CLIP2: variants seen among roughly 807,000 people sequenced by gnomAD.
CLIP2 encodes the protein CAP-Gly domain containing linker protein 2.
In CLIP2, 41 loss-of-function variants were observed where a neutral mutation model predicts 111.7. The observed-to-expected ratio is 0.37, with a 90% CI of 0.29 to 0.48. The LOEUF is 0.48. CLIP2 is among the 20% of genes least tolerant of loss of function. The probability of loss-of-function intolerance (pLI) is 0.99; values close to 1 mark genes in which losing one functional copy is unlikely to be tolerated. For synonymous variants in CLIP2, 660 were observed against 644.2 expected, an observed-to-expected ratio of 1.02 and a Z score of -0.37; for missense variants, 1,160 against 1,422.1, an observed-to-expected ratio of 0.82 and a Z score of 2.96.
At position 74,403,921 on chromosome 7, in the gene CLIP2, A is replaced by C; in HGVS notation, c.*73A>C. 6.6e-7 allele frequency: 1 copy of C among 1,514,674 alleles called. No homozygotes were observed. Among genetic ancestry groups the C allele is most frequent in the Non-Finnish European group, 9.1e-7 (1 of 1,093,988 alleles). 93.8% of individuals were successfully genotyped at this position (1,514,674 alleles called of 1,614,324 possible). Reference sequence around the variant, plus strand: ...GCGGCTGCCCGGCAGTACCTCCTCCAGGCAGGAGCCGGGACTGTCACTTTG... The same window carrying C: ...GCGGCTGCCCGGCAGTACCTCCTCCCGGCAGGAGCCGGGACTGTCACTTTG... On this transcript the variant is annotated 3_prime_UTR_variant, in exon 17 of 17. Transcript: ENST00000223398.
At position 74,390,647 on chromosome 7, in the gene CLIP2, G is replaced by A. The variant is rs192308366; in HGVS notation, c.2720+1388G>A. ...CTTGCTACTGCACTGCAGCCTGGGC[G>A]GTGGCAGTAAGACCCTGTCTCAAAA... On this transcript the variant is annotated intron_variant, in intron 13 of 16. Transcript: ENST00000223398. 7.8e-3 allele frequency among the ~76,000 whole-genome samples: 1,181 copies of A among 151,706 alleles called. 17 individuals carry two copies. The highest frequency in any genetic ancestry group is 0.026 in the African/African-American group (1,060 of 41,364).
rs782133057 is a variant in CLIP2, at chr7:74,399,430, C to T, written c.2881-940C>T. On this transcript the variant is annotated intron_variant, in intron 14 of 16. Coordinates refer to ENST00000223398, the MANE Select transcript of CLIP2 (RefSeq NM_003388.5). ...TGCATGCCCTGCAGTATCAGCTACTCGGGAGGCTGAGGTGGGAGGATCACT... is the reference window on the plus strand; with the variant it reads ...TGCATGCCCTGCAGTATCAGCTACTTGGGAGGCTGAGGTGGGAGGATCACT... Among the ~76,000 whole-genome samples, 219 of 151,636 alleles carry T rather than the reference C, an allele frequency of 1.4e-3. 1 individual carries two copies. Among genetic ancestry groups the T allele is most frequent in the African/African-American group, 4.1e-3 (170 of 41,382 alleles).
intron 1 of CLIP2, among the ~76,000 whole-genome samples, chr7:74,295,349 G>A (rs1187183609): frequency 6.6e-6 from 1 of 152,108 alleles, no homozygotes; most frequent in Non-Finnish European, 1.5e-5. Context: ...TGAGAAGCTG[G>A]GGCAGCAGGG....
intron 1 of CLIP2, among the ~76,000 whole-genome samples, chr7:74,309,678 T>C (rs1221559200): frequency 6.6e-6 from 1 of 150,894 alleles, no homozygotes; most frequent in African/African-American, 2.4e-5. Flanking sequence ...GTCAACATAG[T>C]GAAACCCTGT....
intron 4 of CLIP2, 99 bp downstream of exon 4, chr7:74,354,103 C>T: frequency 7.2e-7 from 1 of 1,380,414 alleles, no homozygotes; most frequent in Non-Finnish European, 9.9e-7. Context: ...GAGTGTCCAG[C>T]ATGTAGTGTC....
chr7:74,389,869 A>C (rs1191368220), intron 13 of CLIP2, among the ~76,000 whole-genome samples: 10 of 151,556 alleles, frequency 6.6e-5, no homozygotes, highest in Admixed American at 6.6e-4. Flanking sequence ...ACTGCACTCC[A>C]ACCTGGGTGA....
intron 8 of CLIP2, among the ~76,000 whole-genome samples, chr7:74,371,591 A>AAGAGAAGG (rs1359614323): frequency 2.1e-5 from 3 of 141,370 alleles, no homozygotes; most frequent in African/African-American, 5.2e-5. Context: ...GAGAGGGGAA[A>AAGAGAAGG]AGAGAAGGAG....
intron 3 of CLIP2, among the ~76,000 whole-genome samples, chr7:74,339,392 A>C (rs2116562928): frequency 6.6e-6 from 1 of 151,866 alleles, no homozygotes; most frequent in South Asian, 2.1e-4. Context: ...TGTAACCTCC[A>C]CCTCCCAGGT....
intron 13 of CLIP2, among the ~76,000 whole-genome samples, chr7:74,395,494 G>A (rs1293565908): frequency 6.6e-6 from 1 of 151,828 alleles, no homozygotes; most frequent in African/African-American, 2.4e-5. Flanking sequence ...GTTTTGCTAT[G>A]TTGGCCAGGC....
At chr7:74,354,433 G>T (rs1421302131) in intron 4 of CLIP2, among the ~76,000 whole-genome samples, 1 of 152,064 alleles carries the variant, frequency 6.6e-6, no homozygotes, top group Non-Finnish European at 1.5e-5. Flanking sequence ...GGCCAACATG[G>T]TGAAACCCCG....
chr7:74,380,050 G>C (rs905973070), intron 10 of CLIP2: 18 of 152,300 alleles, frequency 1.2e-4, no homozygotes, highest in African/African-American at 4.3e-4. Flanking sequence ...AGACTCAAAT[G>C]GGACTTGGGA....
chr7:74,329,258 G>A (rs1048068402), intron 2 of CLIP2, among the ~76,000 whole-genome samples: 1 of 151,586 alleles, frequency 6.6e-6, no homozygotes, highest in African/African-American at 2.4e-5. Context: ...ACAAAGTCTC[G>A]CTATGTTGCC....
chr7:74,292,456 G>A (rs782386928), intron 1 of CLIP2, among the ~76,000 whole-genome samples: 3 of 152,034 alleles, frequency 2.0e-5, no homozygotes, highest in African/African-American at 2.4e-5. Context: ...GTGCCACCTC[G>A]GCTCACTGCA....
chr7:74,403,747 C>G (rs375527440), intron 16 of CLIP2, 90 bp from the exon 17 acceptor site: 1,317 of 1,395,546 alleles, frequency 9.4e-4, no homozygotes, highest in Non-Finnish European at 1.2e-3. Flanking sequence ...CCACCCGGCC[C>G]CAACTCCTTT....
chr7:74,297,197 G>T (rs571286728), intron 1 of CLIP2, among the ~76,000 whole-genome samples: 1 of 152,182 alleles, frequency 6.6e-6, no homozygotes, highest in East Asian at 1.9e-4. Flanking sequence ...GACCAGCTGG[G>T]TGTGGTGGCT....
chr7:74,387,200 G>C (rs973271704), intron 12 of CLIP2, among the ~76,000 whole-genome samples: 1 of 151,916 alleles, frequency 6.6e-6, no homozygotes, highest in East Asian at 1.9e-4. Flanking sequence ...TCTATCCCAG[G>C]TTCCCTCTTT....
chr7:74,311,542 T>C (rs1788639602), intron 1 of CLIP2, among the ~76,000 whole-genome samples: 1 of 152,222 alleles, frequency 6.6e-6, no homozygotes, highest in Non-Finnish European at 1.5e-5. Context: ...GTGAAATGTA[T>C]ATTCAAACCT....
At chr7:74,337,475 G>C (rs1789506563) in intron 2 of CLIP2, among the ~76,000 whole-genome samples, 1 of 152,032 alleles carries the variant, frequency 6.6e-6, no homozygotes, top group Non-Finnish European at 1.5e-5. Flanking sequence ...AGGGGGTCTC[G>C]GGTCAACAGC....
At chr7:74,293,151 C>G (rs1788074153) in intron 1 of CLIP2, among the ~76,000 whole-genome samples, 5 of 152,152 alleles carry the variant, frequency 3.3e-5, no homozygotes, top group Admixed American at 3.3e-4. Context: ...CGATCCCATA[C>G]CTTTGGGATT....
Sources: gnomAD v4.1 joint callset for allele counts (sites outside exome capture counted in the v4.1 genomes callset) on GRCh38, gnomAD v4.1.1 for gene constraint, MANE v1.5 for transcripts, NCBI Gene and HGNC (gene_info 2026-07-23, HGNC 2026-07-21) for gene names.